The following SH3KBP1 variants were observed in gnomAD, a reference collection of about 807,000 sequenced individuals.
SH3KBP1 encodes SH3 domain-containing kinase-binding protein 1.
SH3KBP1 carries 8 observed loss-of-function variants against 50.1 expected under a neutral mutation model. The ratio of observed to expected loss-of-function variants is 0.16; its 90% CI spans 0.09 to 0.29. SH3KBP1 has a LOEUF of 0.29. SH3KBP1 is among the 10% of genes least tolerant of loss of function. SH3KBP1 has a pLI of 1.00. For missense variants in SH3KBP1, 377 were observed against 535.2 expected (o/e 0.70, Z 2.92); for synonymous variants, 227 against 218.6 (o/e 1.04, Z -0.34).
chrX:19,866,525 CA>C (rs1451197196), intron 1 of SH3KBP1, among the ~76,000 whole-genome samples: 3 of 108,830 alleles, frequency 2.8e-5, no homozygotes, highest in Non-Finnish European at 5.7e-5. Context: ...TCCATCCCTA[CA>C]AAAAAATTAA....
At chrX:19,862,928 T>C (rs956592256) in intron 1 of SH3KBP1, among the ~76,000 whole-genome samples, 2 of 111,961 alleles carry the variant, frequency 1.8e-5, no homozygotes, top group Admixed American at 1.9e-4. Context: ...CTCTAGGAAT[T>C]GGGTGAAAAT....
chrX:19,571,081 C>G (rs1221798805), intron 12 of SH3KBP1, among the ~76,000 whole-genome samples: 2 of 112,377 alleles, frequency 1.8e-5, no homozygotes, highest in African/African-American at 6.5e-5. Flanking sequence ...CTCTTAACCT[C>G]AAGCATCCTC....
chrX:19,807,796 G>A (rs747690096), intron 2 of SH3KBP1, among the ~76,000 whole-genome samples: 83 of 112,151 alleles, frequency 7.4e-4, no homozygotes, highest in Admixed American at 1.4e-3. Flanking sequence ...CAGCTATATC[G>A]CATTTGCATC....
chrX:19,879,101 T>G (rs1300493994), intron 1 of SH3KBP1, among the ~76,000 whole-genome samples: 1 of 111,635 alleles, frequency 9.0e-6, no homozygotes, highest in Non-Finnish European at 1.9e-5. Context: ...AAAAATTAGC[T>G]GGGCGTGGTG....
At chrX:19,716,149 G>A in intron 3 of SH3KBP1, among the ~76,000 whole-genome samples, 1 of 112,024 alleles carries the variant, frequency 8.9e-6, no homozygotes, top group Non-Finnish European at 1.9e-5. Flanking sequence ...TAGATTTACC[G>A]ATCTTGCAGA....
chrX:19,561,072 T>TCAAA (rs1290285582), intron 13 of SH3KBP1, among the ~76,000 whole-genome samples: 2 of 48,108 alleles, frequency 4.2e-5, no homozygotes, highest in African/African-American at 1.4e-4. Context: ...AGACCCTGTC[T>TCAAA]AAAAAAAAAA....
At chrX:19,793,313 A>AAAAATAT (rs1418807395) in intron 2 of SH3KBP1, among the ~76,000 whole-genome samples, 23 of 96,968 alleles carry the variant, frequency 2.4e-4, no homozygotes, top group African/African-American at 7.4e-4. Flanking sequence ...AGGAAAAAAA[A>AAAAATAT]ATATATATAT....
intron 8 of SH3KBP1, among the ~76,000 whole-genome samples, chrX:19,623,577 C>T (rs909516778): frequency 2.7e-5 from 3 of 111,755 alleles, no homozygotes; most frequent in Non-Finnish European, 5.6e-5. Context: ...CCCAGCTACT[C>T]GGAGGCTGAG....
intron 14 of SH3KBP1, among the ~76,000 whole-genome samples, chrX:19,549,482 A>C (rs1274331606): frequency 9.0e-6 from 1 of 111,704 alleles, no homozygotes; most frequent in Non-Finnish European, 1.9e-5. Context: ...GGTGCCTCAT[A>C]TGTTTGAAAA....
At chrX:19,775,656 C>T (rs1035431647) in intron 2 of SH3KBP1, among the ~76,000 whole-genome samples, 2 of 111,413 alleles carry the variant, frequency 1.8e-5, no homozygotes, top group African/African-American at 3.3e-5. Flanking sequence ...ATTTGGAGTA[C>T]GCAGGCCCTG....
intron 8 of SH3KBP1, among the ~76,000 whole-genome samples, chrX:19,622,756 T>C (rs890432476): frequency 2.5e-4 from 28 of 112,219 alleles, no homozygotes; most frequent in Admixed American, 2.0e-3. Flanking sequence ...AAGAGGATTG[T>C]CGAGGGCCAG....
chrX:19,862,780 A>G (rs1198565233), intron 1 of SH3KBP1, among the ~76,000 whole-genome samples: 1 of 112,135 alleles, frequency 8.9e-6, no homozygotes, highest in East Asian at 2.8e-4. Flanking sequence ...ATCCTAAAAG[A>G]GGTCAGCTCA....
intron 6 of SH3KBP1, among the ~76,000 whole-genome samples, chrX:19,650,034 C>T (rs2062086021): frequency 8.9e-6 from 1 of 111,732 alleles, no homozygotes; most frequent in African/African-American, 3.3e-5. Context: ...AATCTCCTCT[C>T]CAAGAATACC....
intron 12 of SH3KBP1, among the ~76,000 whole-genome samples, chrX:19,574,771 A>G (rs1269865313): frequency 1.8e-5 from 2 of 112,442 alleles, no homozygotes; most frequent in Non-Finnish European, 3.8e-5. Flanking sequence ...CGCTTTTTAA[A>G]CAAAAAAATT....
chrX:19,552,163 T>C (rs1466287214), intron 13 of SH3KBP1, among the ~76,000 whole-genome samples: 2 of 112,414 alleles, frequency 1.8e-5, no homozygotes, highest in African/African-American at 3.2e-5. Context: ...TTAATTGTTG[T>C]TGCACTGCAA....
In SH3KBP1 at chrX:19,695,502, G is replaced by GT. The variant is rs1462980664; in HGVS notation, c.520+109dup. On this transcript the variant is annotated intron_variant, in intron 5 of 17. Transcript: ENST00000397821. ...AGGCAGTATAACCAAAAAAATACTC[G>GT]TAAGCGTTTACTATAGCCTCTCGGC... 1.0e-4 allele frequency: 102 copies of GT among 975,683 alleles called. No homozygotes were observed. In the African/African-American group the frequency reaches 1.9e-3, roughly 18 times the overall value. 80.4% of individuals were successfully genotyped at this position (975,683 alleles called of 1,213,427 possible). A position where few individuals can be genotyped will look rare whatever the true frequency, so the allele number is the denominator to read the frequency against.
At chrX:19,824,463 C>T (rs2147353698) in intron 2 of SH3KBP1, among the ~76,000 whole-genome samples, 1 of 111,147 alleles carries the variant, frequency 9.0e-6, no homozygotes, top group Admixed American at 9.6e-5. Flanking sequence ...AGGCTTCTAT[C>T]CCTACTCCTG....
chrX:19,559,038 C>T (rs1316980792), intron 13 of SH3KBP1, among the ~76,000 whole-genome samples: 1 of 109,246 alleles, frequency 9.2e-6, no homozygotes, highest in Non-Finnish European at 1.9e-5. Context: ...GAGGTCGAGG[C>T]GGGTGGATCA....
chrX:19,541,978 C>T lies in SH3KBP1; in HGVS notation c.1839G>A (p.Arg613=), dbSNP rs1486533312. Residue 613 remains arginine (R), a synonymous_variant, in exon 16 of 18, where the codon AGG becomes AGA. Coordinates refer to ENST00000397821, the MANE Select transcript of SH3KBP1 (RefSeq NM_031892.3). ...ASSQAAVEEL[R]TQVRELRSII... ...TGCTCCTCAGCTCGCGGACCTGTGT[C>T]CTTAGCTCCTCCACGGCCGCCTGGC... 2.5e-6 allele frequency: 3 copies of T among 1,211,924 alleles called. No homozygotes were observed. In the Admixed American group the frequency reaches 6.5e-5, roughly 26 times the overall value.
Sources: allele counts gnomAD v4.1 joint callset (sites outside exome capture counted in the v4.1 genomes callset), GRCh38; gene constraint gnomAD v4.1.1; transcripts MANE v1.5; gene names NCBI Gene and HGNC (gene_info 2026-07-23, HGNC 2026-07-21).